Variants in PGAM2 observed in about 807,000 individuals in gnomAD.
PGAM2 encodes BPG-dependent PGAM 2.
In PGAM2, 23 loss-of-function variants were observed where a neutral mutation model predicts 22.5. The observed-to-expected ratio is 1.02, with a 90% CI of 0.74 to 1.45. The LOEUF (loss-of-function observed/expected upper bound fraction) is 1.45. Among genes scored for constraint, PGAM2 ranks in the 40% most tolerant of loss-of-function variants. The pLI is 0.00. For missense variants in PGAM2, 349 were observed against 356.2 expected, an observed-to-expected ratio of 0.98 and a Z score of 0.16; for synonymous variants, 133 against 138.6, an observed-to-expected ratio of 0.96 and a Z score of 0.29.
chr7:44,064,797 A>AGGCACCAGTAAGTGGG, intron 2 of PGAM2, 35 bp downstream of exon 2: 1 of 633,308 alleles, frequency 1.6e-6, no homozygotes, highest in Non-Finnish European at 2.8e-6. Context: ...GCTGCTGCCC[A>AGGCACCAGTAAGTGGG]CCCACCCTGC....
chr7:44,063,851 A>C (rs926617214), intron 2 of PGAM2: 1 of 152,342 alleles, frequency 6.6e-6, no homozygotes, highest in African/African-American at 2.4e-5. Context: ...CCTTTCCCCA[A>C]ACCAGGCTGT....
chr7:44,065,282 C>T lies in PGAM2; in HGVS notation c.248G>A (p.Arg83His), dbSNP rs139100874. Residue 83 changes from arginine (R) to histidine (H), a missense_variant, in exon 1 of 3, where the codon CGC (arginine) becomes CAC (histidine). Arg to His is a conservative substitution (Grantham distance 29). Transcript: ENST00000297283. Reference sequence around the variant, plus strand: ...ATGCCGCTCATTGAGGCGCCAAGTGCGCACCACAGGCAGCCACATCTGGTC... The same window carrying T: ...ATGCCGCTCATTGAGGCGCCAAGTGTGCACCACAGGCAGCCACATCTGGTC... ...GTDQMWLPVV[R>H]TWRLNERHYG... The T allele has an allele frequency of 1.5e-5, 24 of 1,613,600 alleles. No homozygotes were observed. The East Asian group carries it at 2.5e-4, about 16-fold the overall frequency.
intron 1 of PGAM2, 41 bp from the exon 2 acceptor site, chr7:44,065,053 G>A: frequency 6.2e-7 from 1 of 1,609,516 alleles, no homozygotes; most frequent in Non-Finnish European, 8.5e-7. Context: ...CCAAGCCAGT[G>A]GGCCCCCACC....
chr7:44,062,885 A>G lies in PGAM2; in HGVS notation c.641T>C (p.Ile214Thr), dbSNP rs767463141. Reference sequence around the variant, plus strand: ...CTTGTTCAGCTCATACACAATGGGGATCCCCGTGGGCAGGTTCAGCTCCAT... The same window carrying G: ...CTTGTTCAGCTCATACACAATGGGGGTCCCCGTGGGCAGGTTCAGCTCCAT... ...AIMELNLPTG[I>T]PIVYELNKEL... Residue 214 changes from isoleucine (I) to threonine (T), a missense_variant, in exon 3 of 3, where the codon ATC becomes ACC. Ile to Thr is a moderately conservative substitution (Grantham distance 89). Coordinates refer to ENST00000297283, the MANE Select transcript of PGAM2 (RefSeq NM_000290.4). The G allele has an allele frequency of 6.2e-7, 1 of 1,614,158 alleles. No homozygotes were observed. The highest frequency in any genetic ancestry group is 1.1e-5 in the South Asian group (1 of 91,074).
rs114578410 is a variant in PGAM2, at chr7:44,065,080, A to G, written c.414+36T>C. 2,067 of 1,612,444 alleles carry G rather than the reference A, an allele frequency of 1.3e-3. 26 individuals are homozygous for G. The African/African-American group carries it at 0.025, about 20-fold the overall frequency. On this transcript the variant is annotated intron_variant, in intron 1 of 2. Transcript: ENST00000297283. The stretch of plus-strand genomic sequence containing the variant: ...GCCCCCACCCGACTCCCCACTCTGC[A>G]GCTTCCCAGAGGCCTTCCCAGCAAA...
chr7:44,063,975 T>G (rs1314268668), intron 2 of PGAM2: 1 of 152,792 alleles, frequency 6.5e-6, no homozygotes, highest in Non-Finnish European at 1.5e-5. Flanking sequence ...GCGGGCAGGC[T>G]TGGGGCTGGC....
chr7:44,064,794 CCCA>C, intron 2 of PGAM2, 35 bp downstream of exon 2: 1 of 526,668 alleles, frequency 1.9e-6, no homozygotes. Flanking sequence ...GGGGCTGCTG[CCCA>C]CCCACCCTGC....
chr7:44,065,133 A>C lies in PGAM2; in HGVS notation c.397T>G (p.Tyr133Asp). The change falls in exon 1 of 3, where the codon TAC (tyrosine) becomes GAC (aspartate). Residue 133 changes from tyrosine (Y) to aspartate (D), a missense_variant. Transcript: ENST00000297283. ...PPPMDEKHPYYNSISKERRYA... is the reference protein window; with the variant it reads ...PPPMDEKHPYDNSISKERRYA... ...CAGCCCACCTTGCTAATGGAGTTGTAGTAGGGGTGCTTCTCGTCCATCGGG... is the reference window on the plus strand; with the variant it reads ...CAGCCCACCTTGCTAATGGAGTTGTCGTAGGGGTGCTTCTCGTCCATCGGG... The C allele has an allele frequency of 6.2e-7, 1 of 1,613,964 alleles. No homozygotes were observed. Among genetic ancestry groups the C allele is most frequent in the Non-Finnish European group, 8.5e-7 (1 of 1,180,000 alleles).
chr7:44,065,139 G>A lies in PGAM2; in HGVS notation c.391C>T (p.Pro131Ser), dbSNP rs1284038042. 3 of 1,613,930 alleles carry A rather than the reference G, an allele frequency of 1.9e-6. No individual in the cohort carries two copies. Among genetic ancestry groups the A allele is most frequent in the Middle Eastern group, 1.6e-4 (1 of 6,084 alleles). Reference sequence around the variant, plus strand: ...ACCTTGCTAATGGAGTTGTAGTAGGGGTGCTTCTCGTCCATCGGGGGCGGC... The same window carrying A: ...ACCTTGCTAATGGAGTTGTAGTAGGAGTGCTTCTCGTCCATCGGGGGCGGC... ...IPPPPMDEKH[P>S]YYNSISKERR... The change falls in exon 1 of 3, where the codon CCC (proline) becomes TCC (serine). Residue 131 changes from proline (P) to serine (S), a missense_variant. Transcript: ENST00000297283.
At position 44,065,241 on chromosome 7, in the gene PGAM2, C is replaced by A; in HGVS notation, c.289G>T (p.Gly97Cys). 1 of 1,613,968 alleles carries A rather than the reference C, an allele frequency of 6.2e-7. No homozygotes were observed. Among genetic ancestry groups the A allele is most frequent in the African/African-American group, 1.3e-5 (1 of 75,066 alleles). The change falls in exon 1 of 3, where the codon GGC (glycine) becomes TGC (cysteine). Residue 97 changes from glycine to cysteine, a missense_variant. Transcript: ENST00000297283. ...GCGGCCGTTTCTGCCTTGTTGAGGC[C>A]TGTGAGGCCCCCGTAATGCCGCTCA... Reference protein sequence around the residue: ...LNERHYGGLTGLNKAETAAKH... With the variant: ...LNERHYGGLTCLNKAETAAKH...
At chr7:44,064,793 GCC>G in intron 2 of PGAM2, 37 bp downstream of exon 2, 1 of 1,136,982 alleles carries the variant, frequency 8.8e-7, no homozygotes, top group Non-Finnish European at 1.3e-6. Flanking sequence ...TGGGGCTGCT[GCC>G]CACCCACCCT....
chr7:44,064,581 G>C (rs1002477505), intron 2 of PGAM2: 3 of 546,320 alleles, frequency 5.5e-6, no homozygotes, highest in Non-Finnish European at 9.9e-6. Flanking sequence ...GCCACCTTTG[G>C]AGCCTGCCCC....
rs759917797 is a variant in PGAM2 at position 44,065,497 on chromosome 7, G to T, written c.33C>A (p.His11Gln). 1.9e-6 allele frequency: 3 copies of T among 1,614,000 alleles called. No homozygotes were observed. Among genetic ancestry groups the T allele is most frequent in the Non-Finnish European group, 2.5e-6 (3 of 1,180,022 alleles). Reference protein sequence around the residue: MATHRLVMVRHGESTWNQENR... With the variant: MATHRLVMVRQGESTWNQENR... ...TCTCCTGGTTCCATGTGCTCTCGCC[G>T]TGCCGGACCATCACGAGGCGGTGAG... The change falls in exon 1 of 3, where the codon CAC becomes CAA. Residue 11 changes from histidine to glutamine, a missense_variant. Coordinates refer to ENST00000297283, the MANE Select transcript of PGAM2 (RefSeq NM_000290.4).
intron 2 of PGAM2, chr7:44,063,524 C>T: frequency 5.9e-6 from 1 of 170,546 alleles, no homozygotes; most frequent in Admixed American, 5.4e-5. Context: ...AGGTGATCTG[C>T]CTGCCTCAGC....
rs2096151843 is a variant in PGAM2 at position 44,062,851 on chromosome 7, C to A, written c.675G>T (p.Lys225Asn). 6.2e-7 allele frequency: 1 copy of A among 1,614,224 alleles called. No individual in the cohort carries two copies. The highest frequency in any genetic ancestry group is 1.3e-5 in the African/African-American group (1 of 75,064). The change falls in exon 3 of 3, where the codon AAG (lysine) becomes AAT (asparagine). Residue 225 changes from lysine to asparagine, a missense_variant. Physicochemically the swap from Lys to Asn is moderately conservative, Grantham distance 94. Transcript: ENST00000297283. ...PIVYELNKEL[K>N]PTKPMQFLGD... is the part of the protein sequence containing the mutation. ...CCAGGAACTGCATGGGCTTGGTGGG[C>A]TTCAGCTCCTTGTTCAGCTCATACA...
chr7:44,063,348 G>C (rs199508598), intron 2 of PGAM2: 1 of 271,834 alleles, frequency 3.7e-6, no homozygotes, highest in African/African-American at 2.2e-5. Flanking sequence ...GCAGTGGCAC[G>C]ATCTTGGCTC....
intron 2 of PGAM2, 39 bp downstream of exon 2, chr7:44,064,793 G>GGCCACCCCCCCAGC: frequency 8.8e-7 from 1 of 1,136,982 alleles, no homozygotes; most frequent in Non-Finnish European, 1.3e-6. Context: ...TGGGGCTGCT[G>GGCCACCCCCCCAGC]CCCACCCACC....
chr7:44,063,263 G>GTTTTT, intron 2 of PGAM2: 1 of 344,238 alleles, frequency 2.9e-6, no homozygotes, highest in South Asian at 3.2e-5. Context: ...CTCACCCTTT[G>GTTTTT]TTTTTTTTTT....
chr7:44,065,196 C>A lies in PGAM2; in HGVS notation c.334G>T (p.Val112Leu), dbSNP rs753385432. 6.2e-7 allele frequency: 1 copy of A among 1,614,000 alleles called. No homozygotes were observed. Among genetic ancestry groups the A allele is most frequent in the Admixed American group, 1.7e-5 (1 of 60,002 alleles). ...ETAAKHGEEQ[V>L]KIWRRSFDIP... ...TCGAAGGAGCGCCTCCAGATCTTCA[C>A]CTGCTCCTCCCCGTGCTTGGCGGCC... Residue 112 changes from valine (V) to leucine (L), a missense_variant, in exon 1 of 3, where the codon GTG becomes TTG. Physicochemically the swap from Val to Leu is conservative, Grantham distance 32. Coordinates refer to ENST00000297283, the MANE Select transcript of PGAM2 (RefSeq NM_000290.4).
Sources: gnomAD v4.1 joint callset for allele counts on GRCh38, gnomAD v4.1.1 for gene constraint, MANE v1.5 for transcripts, NCBI Gene and HGNC (gene_info 2026-07-23, HGNC 2026-07-21) for gene names.